The following FBXL7 variants were observed in gnomAD, a reference collection of about 807,000 sequenced individuals.
The protein encoded by FBXL7 is F-box and leucine rich repeat protein 7.
In FBXL7, 12 loss-of-function variants were observed where a neutral mutation model predicts 38.3. The observed-to-expected ratio is 0.31, with a 90% CI of 0.20 to 0.51. FBXL7 has a LOEUF of 0.51. FBXL7 is among the 20% of genes least tolerant of loss of function. The pLI, the probability that FBXL7 is intolerant of heterozygous loss-of-function variation, is 0.98. For synonymous variants in FBXL7, 297 were observed against 300.9 expected (o/e 0.99, Z 0.13); for missense variants, 567 against 676.4 (o/e 0.84, Z 1.79).
intron 2 of FBXL7, among the ~76,000 whole-genome samples, chr5:15,821,432 A>C (rs1738167276): frequency 6.6e-6 from 1 of 152,210 alleles, no homozygotes; most frequent in Non-Finnish European, 1.5e-5. Flanking sequence ...CACAGGGAGA[A>C]GGACATTCAT....
chr5:15,548,830 G>T (rs1408001461), intron 1 of FBXL7, among the ~76,000 whole-genome samples: 4 of 152,158 alleles, frequency 2.6e-5, no homozygotes, highest in Non-Finnish European at 5.9e-5. Flanking sequence ...AAAATGCAGG[G>T]AATCTACATT....
In FBXL7 at chr5:15,672,590, T is replaced by C. The variant is rs571816323; in HGVS notation, c.127+56518T>C. On this transcript the variant is annotated intron_variant, in intron 2 of 3. Coordinates refer to ENST00000504595, the MANE Select transcript of FBXL7 (RefSeq NM_012304.5). ...TTTTTTTTTTGAGATGAAGTCTTAC[T>C]GTCGCTCAGGTTGGTGTGCAGTGGC... 1.7e-3 allele frequency among the ~76,000 whole-genome samples: 252 copies of C among 151,196 alleles called. No homozygotes were observed. The Middle Eastern group carries it at 0.017, about 10-fold the overall frequency.
chr5:15,684,248 G>A (rs1004130335), intron 2 of FBXL7, among the ~76,000 whole-genome samples: 2 of 152,136 alleles, frequency 1.3e-5, no homozygotes, highest in African/African-American at 4.8e-5. Flanking sequence ...ACGAACTTAG[G>A]AATGATCTGG....
chr5:15,702,968 CTGAGCCAGGA>C (rs1743576479), intron 2 of FBXL7, among the ~76,000 whole-genome samples: 2 of 152,216 alleles, frequency 1.3e-5, no homozygotes, highest in East Asian at 1.9e-4. Flanking sequence ...AGGGGAGCTT[CTGAGCCAGGA>C]TGAGCCAGGA....
intron 2 of FBXL7, among the ~76,000 whole-genome samples, chr5:15,868,617 A>C (rs1561162120): frequency 6.6e-6 from 1 of 152,162 alleles, no homozygotes; most frequent in African/African-American, 2.4e-5. Flanking sequence ...ATGTGAAGGT[A>C]TAGGTAAAGC....
rs1028746814 is a variant in FBXL7, at chr5:15,500,554, C to G, written c.-123C>G. ...ACCTCTCCAGGCCGGAGGTCGGCCC[C>G]GGAGCTTGGGGGGGATGTGCAGCTA... On this transcript the variant is annotated 5_prime_UTR_variant, in exon 1 of 4. Transcript: ENST00000504595. 2.8e-5 allele frequency: 40 copies of G among 1,403,914 alleles called. No individual in the cohort carries two copies. Among genetic ancestry groups the G allele is most frequent in the Non-Finnish European group, 3.7e-5 (37 of 989,670 alleles). 87.0% of individuals were successfully genotyped at this position (1,403,914 alleles called of 1,614,324 possible).
intron 2 of FBXL7, among the ~76,000 whole-genome samples, chr5:15,821,940 C>T (rs574278877): frequency 6.6e-6 from 1 of 152,094 alleles, no homozygotes; most frequent in Non-Finnish European, 1.5e-5. Context: ...ACTTCTATCT[C>T]GGGAGTGGAC....
intron 2 of FBXL7, among the ~76,000 whole-genome samples, chr5:15,696,240 C>T (rs541836399): frequency 6.6e-6 from 1 of 152,168 alleles, no homozygotes; most frequent in East Asian, 1.9e-4. Flanking sequence ...TATTTAGCCA[C>T]CCAGAAATTA....
At chr5:15,776,262 G>A (rs1181781498) in intron 2 of FBXL7, among the ~76,000 whole-genome samples, 4 of 152,090 alleles carry the variant, frequency 2.6e-5, no homozygotes, top group Admixed American at 2.0e-4. Flanking sequence ...TCATATAGAT[G>A]AGTATAGTAA....
At chr5:15,843,668 T>C (rs377758476) in intron 2 of FBXL7, among the ~76,000 whole-genome samples, 101 of 152,224 alleles carry the variant, frequency 6.6e-4, no homozygotes, top group African/African-American at 2.4e-3. Context: ...TCTAAGAATT[T>C]GAGACATATT....
At position 15,847,406 on chromosome 5, in the gene FBXL7, A is replaced by G. The variant is rs185512745; in HGVS notation, c.128-80484A>G. Among the ~76,000 whole-genome samples, 464 of 152,260 alleles carry G rather than the reference A, an allele frequency of 3.0e-3. 3 individuals are homozygous for G. Among genetic ancestry groups the G allele is most frequent in the Middle Eastern group, 0.01 (3 of 292 alleles). On this transcript the variant is annotated intron_variant, in intron 2 of 3. Coordinates refer to ENST00000504595, the MANE Select transcript of FBXL7 (RefSeq NM_012304.5). The stretch of plus-strand genomic sequence containing the variant: ...TCACAAGAACAGCAGCATGAGGGCA[A>G]CCACCCCCATGATTTGATTACCTTT...
At chr5:15,863,282 A>G (rs1739557738) in intron 2 of FBXL7, among the ~76,000 whole-genome samples, 1 of 152,228 alleles carries the variant, frequency 6.6e-6, no homozygotes, top group African/African-American at 2.4e-5. Context: ...AAAGATTTTC[A>G]GTGTTAACCT....
At chr5:15,878,423 A>T (rs372758013) in intron 2 of FBXL7, among the ~76,000 whole-genome samples, 1 of 152,096 alleles carries the variant, frequency 6.6e-6, no homozygotes, top group Non-Finnish European at 1.5e-5. Context: ...GTCTCTCTCC[A>T]TGTTCTCCAG....
chr5:15,536,610 G>T (rs1030972990), intron 1 of FBXL7, among the ~76,000 whole-genome samples: 4 of 152,126 alleles, frequency 2.6e-5, no homozygotes, highest in African/African-American at 9.7e-5. Context: ...TGTCCTATTT[G>T]GGATGGGAGC....
intron 2 of FBXL7, among the ~76,000 whole-genome samples, chr5:15,752,455 A>G (rs1696008016): frequency 6.6e-6 from 1 of 152,142 alleles, no homozygotes. Flanking sequence ...AATGTTGGGT[A>G]AAAGAAACCC....
intron 2 of FBXL7, among the ~76,000 whole-genome samples, chr5:15,699,705 A>C (rs970838564): frequency 6.6e-6 from 1 of 152,140 alleles, no homozygotes; most frequent in Non-Finnish European, 1.5e-5. Context: ...TCTCTTAGGA[A>C]ACACACTACA....
intron 1 of FBXL7, among the ~76,000 whole-genome samples, chr5:15,573,548 G>A (rs1178885434): frequency 6.6e-6 from 1 of 152,168 alleles, no homozygotes; most frequent in African/African-American, 2.4e-5. Context: ...GGATTTTTAT[G>A]GGAGGCATCA....
At chr5:15,874,306 C>T (rs1328191596) in intron 2 of FBXL7, among the ~76,000 whole-genome samples, 1 of 151,942 alleles carries the variant, frequency 6.6e-6, no homozygotes, top group Non-Finnish European at 1.5e-5. Context: ...GACCCACAGC[C>T]AATATACTGA....
At chr5:15,794,182 A>C (rs913825807) in intron 2 of FBXL7, among the ~76,000 whole-genome samples, 2 of 152,314 alleles carry the variant, frequency 1.3e-5, no homozygotes, top group East Asian at 1.9e-4. Flanking sequence ...TGTTGGCTAA[A>C]AGCGGAATAG....
Sources: allele counts gnomAD v4.1 joint callset (sites outside exome capture counted in the v4.1 genomes callset), GRCh38; gene constraint gnomAD v4.1.1; transcripts MANE v1.5; gene names NCBI Gene and HGNC (gene_info 2026-07-23, HGNC 2026-07-21).